The following GABBR2 variants were observed in gnomAD, a reference collection of about 807,000 sequenced individuals.
GABBR2 encodes the protein gamma-aminobutyric acid type B receptor subunit 2.
Under a neutral mutation model 105.6 loss-of-function variants are expected in GABBR2, and 23 were observed. The ratio of observed to expected loss-of-function variants is 0.22; its 90% CI spans 0.16 to 0.31. GABBR2 has a LOEUF of 0.31. Among genes scored for constraint, GABBR2 ranks in the 10% least tolerant of loss-of-function variants. GABBR2 has a pLI of 1.00. For missense variants in GABBR2, 734 were observed against 1,245.5 expected (o/e 0.59, Z 6.18); for synonymous variants, 478 against 499.7 (o/e 0.96, Z 0.58).
intron 3 of GABBR2, among the ~76,000 whole-genome samples, chr9:98,536,866 C>G (rs899690609): frequency 6.6e-6 from 1 of 152,206 alleles, no homozygotes; most frequent in African/African-American, 2.4e-5. Flanking sequence ...GGCAGGGCCC[C>G]CAGCACTGGA....
At chr9:98,403,033 C>T (rs144089999) in intron 8 of GABBR2, among the ~76,000 whole-genome samples, 5 of 152,192 alleles carry the variant, frequency 3.3e-5, no homozygotes, top group East Asian at 1.9e-4. Flanking sequence ...CAGTGGCTCA[C>T]GCCTGTAATC....
intron 1 of GABBR2, among the ~76,000 whole-genome samples, chr9:98,650,518 C>T (rs1163529136): frequency 6.6e-6 from 1 of 152,078 alleles, no homozygotes; most frequent in African/African-American, 2.4e-5. Flanking sequence ...TGGGACACTA[C>T]AGGACAAATG....
At chr9:98,619,932 A>G (rs1041201243) in intron 1 of GABBR2, among the ~76,000 whole-genome samples, 1 of 152,162 alleles carries the variant, frequency 6.6e-6, no homozygotes, top group African/African-American at 2.4e-5. Context: ...ACCCCAGCTC[A>G]CCACTCACCT....
chr9:98,664,961 T>G (rs769025987), intron 1 of GABBR2, among the ~76,000 whole-genome samples: 1 of 151,266 alleles, frequency 6.6e-6, no homozygotes, highest in Admixed American at 6.6e-5. Flanking sequence ...CCCCCATCTC[T>G]GCAAAATGAA....
intron 1 of GABBR2, among the ~76,000 whole-genome samples, chr9:98,595,086 T>C (rs1351259360): frequency 6.6e-6 from 1 of 152,004 alleles, no homozygotes; most frequent in East Asian, 1.9e-4. Flanking sequence ...ACTGGACAGA[T>C]TAGAAACAAC....
chr9:98,466,778 C>T (rs1334912959), intron 6 of GABBR2, among the ~76,000 whole-genome samples: 1 of 152,152 alleles, frequency 6.6e-6, no homozygotes, highest in African/African-American at 2.4e-5. Context: ...ACAGAAAAAA[C>T]AAATTATCAG....
chr9:98,314,587 C>T (rs1588095465), intron 13 of GABBR2, among the ~76,000 whole-genome samples: 2 of 152,156 alleles, frequency 1.3e-5, no homozygotes, highest in East Asian at 1.9e-4. Context: ...ACTGCAGTGG[C>T]AGGGAGCCCC....
intron 2 of GABBR2, among the ~76,000 whole-genome samples, chr9:98,565,918 T>A (rs1167767): frequency 6.6e-6 from 1 of 152,056 alleles, no homozygotes; most frequent in Admixed American, 6.5e-5. Flanking sequence ...AACACAACAC[T>A]GGACGGGGCA....
At chr9:98,702,022 C>T (rs1376891359) in intron 1 of GABBR2, among the ~76,000 whole-genome samples, 1 of 152,060 alleles carries the variant, frequency 6.6e-6, no homozygotes, top group East Asian at 1.9e-4. Context: ...CTCATTTGTC[C>T]CTTATGCACC....
intron 1 of GABBR2, among the ~76,000 whole-genome samples, chr9:98,691,974 A>C (rs1830687910): frequency 6.6e-6 from 1 of 152,194 alleles, no homozygotes; most frequent in Non-Finnish European, 1.5e-5. Context: ...GACACTTACT[A>C]TGTATCAGGC....
chr9:98,675,719 G>C (rs947870683), intron 1 of GABBR2, among the ~76,000 whole-genome samples: 2 of 152,164 alleles, frequency 1.3e-5, no homozygotes, highest in Non-Finnish European at 2.9e-5. Flanking sequence ...CCTTGCCCCA[G>C]ATTGAGAGTC....
intron 11 of GABBR2, 115 bp downstream of exon 11, chr9:98,385,525 C>A: frequency 1.2e-6 from 1 of 836,948 alleles, no homozygotes; most frequent in Non-Finnish European, 2.0e-6. Flanking sequence ...ATGGGTTGTT[C>A]CCTGCCTGTT....
chr9:98,441,173 G>A (rs1253335975), intron 7 of GABBR2, among the ~76,000 whole-genome samples: 1 of 151,982 alleles, frequency 6.6e-6, no homozygotes, highest in South Asian at 2.1e-4. Context: ...TTTGGTTAGC[G>A]GTAGCTTGCA....
chr9:98,581,868 C>T (rs1278730277), intron 1 of GABBR2, among the ~76,000 whole-genome samples: 4 of 152,170 alleles, frequency 2.6e-5, no homozygotes, highest in Non-Finnish European at 5.9e-5. Flanking sequence ...GCTTAGCAAA[C>T]ACTTTCTGAA....
At position 98,481,075 on chromosome 9, in the gene GABBR2, C is replaced by T. The variant is rs576825573; in HGVS notation, c.733-78G>A. The T allele has an allele frequency of 3.5e-4, 324 of 914,678 alleles. No homozygotes were observed. In the African/African-American group the frequency reaches 4.7e-3, roughly 13 times the overall value. 56.7% of individuals were successfully genotyped at this position (914,678 alleles called of 1,614,324 possible). The stretch of plus-strand genomic sequence containing the variant: ...AAGGGTTCAAGGCTGTGGCAGACAA[C>T]ATTCCTTCACCTCTGGCTCTTAGCC... On this transcript the variant is annotated intron_variant, in intron 4 of 18. Coordinates refer to ENST00000259455, the MANE Select transcript of GABBR2 (RefSeq NM_005458.8).
At chr9:98,465,931 G>C (rs1387298837) in intron 6 of GABBR2, among the ~76,000 whole-genome samples, 2 of 152,208 alleles carry the variant, frequency 1.3e-5, no homozygotes, top group East Asian at 3.8e-4. Context: ...GGCCTGCTGG[G>C]AGGTGACTGG....
At chr9:98,684,805 G>A (rs1008302767) in intron 1 of GABBR2, among the ~76,000 whole-genome samples, 2 of 152,206 alleles carry the variant, frequency 1.3e-5, no homozygotes, top group East Asian at 1.9e-4. Flanking sequence ...TCTGTATTTC[G>A]TCAGCGCAAT....
At chr9:98,641,082 A>G (rs1829954532) in intron 1 of GABBR2, among the ~76,000 whole-genome samples, 1 of 151,178 alleles carries the variant, frequency 6.6e-6, no homozygotes, top group Admixed American at 6.6e-5. Context: ...GCACTTACAG[A>G]GTCTGATTCC....
chr9:98,697,528 A>C (rs1830773074), intron 1 of GABBR2, among the ~76,000 whole-genome samples: 1 of 151,560 alleles, frequency 6.6e-6, no homozygotes, highest in South Asian at 2.1e-4. Context: ...ATAGGACTGT[A>C]GTGAAGACGA....
Sources: allele counts gnomAD v4.1 joint callset (sites outside exome capture counted in the v4.1 genomes callset), GRCh38; gene constraint gnomAD v4.1.1; transcripts MANE v1.5; gene names NCBI Gene and HGNC (gene_info 2026-07-23, HGNC 2026-07-21).